Variants in TCTN1 observed in about 807,000 individuals in gnomAD.
TCTN1 encodes the protein tectonic family member 1.
Under a neutral mutation model 65.8 loss-of-function variants are expected in TCTN1, and 58 were observed. The observed-to-expected ratio is 0.88, with a 90% CI of 0.71 to 1.10. The LOEUF (loss-of-function observed/expected upper bound fraction) is 1.10. Ranked by LOEUF, TCTN1 falls within the 50% of genes least tolerant of loss-of-function variation. The pLI, the probability that TCTN1 is intolerant of heterozygous loss-of-function variation, is 0.00. For missense variants in TCTN1, 645 were observed against 719.4 expected (o/e 0.90, Z 1.18); for synonymous variants, 273 against 289.1 (o/e 0.94, Z 0.57).
chr12:110,615,567 A>G (rs1593196991), intron 1 of TCTN1, among the ~76,000 whole-genome samples: 1 of 152,266 alleles, frequency 6.6e-6, no homozygotes, highest in Middle Eastern at 3.4e-3. Flanking sequence ...TTAAGTCTCA[A>G]TCTGCTGGGC....
At chr12:110,631,021 C>T (rs1171605114) in intron 4 of TCTN1, among the ~76,000 whole-genome samples, 1 of 152,120 alleles carries the variant, frequency 6.6e-6, no homozygotes, top group Admixed American at 6.5e-5. Context: ...GGCTGGAGTG[C>T]AGTGGTGTGA....
intron 14 of TCTN1, chr12:110,648,781 CA>C (rs2067598192): frequency 3.3e-6 from 1 of 302,104 alleles, no homozygotes; most frequent in Admixed American, 5.3e-5. Flanking sequence ...TAGGAGGGTC[CA>C]GGGAAAAGAG....
intron 5 of TCTN1, chr12:110,634,247 C>T: frequency 3.1e-6 from 1 of 320,914 alleles, no homozygotes; most frequent in Non-Finnish European, 6.3e-6. Context: ...CAAGAAGCCT[C>T]ATGCCAGTTG....
At position 110,632,575 on chromosome 12, in the gene TCTN1, T is replaced by C. The variant is rs753676064; in HGVS notation, c.712+16T>C. ...AACCCTGCAGGTAAGAAAGTGGTCA[T>C]TCTTCTTTCCTTAGACATTTGCTGT... On this transcript the variant is annotated intron_variant, in intron 5 of 14. Coordinates refer to ENST00000397659, the MANE Select transcript of TCTN1 (RefSeq NM_001082538.3). The C allele has an allele frequency of 6.2e-7, 1 of 1,612,296 alleles. No homozygotes were observed. The highest frequency in any genetic ancestry group is 2.2e-5 in the East Asian group (1 of 44,858).
intron 12 of TCTN1, 33 bp downstream of exon 12, chr12:110,645,162 T>C (rs2136173470): frequency 1.9e-6 from 3 of 1,611,916 alleles, no homozygotes; most frequent in Non-Finnish European, 2.5e-6. Flanking sequence ...TCCATGCTAG[T>C]GGTCTCTGTC....
intron 2 of TCTN1, among the ~76,000 whole-genome samples, chr12:110,624,614 C>T (rs567032237): frequency 4.9e-5 from 7 of 143,216 alleles, no homozygotes; most frequent in Non-Finnish European, 6.1e-5. Flanking sequence ...GAGAGAGTCT[C>T]ACTCTGTCGC....
chr12:110,627,266 TTTTTA>T, intron 3 of TCTN1, among the ~76,000 whole-genome samples: 1 of 151,844 alleles, frequency 6.6e-6, no homozygotes, highest in African/African-American at 2.4e-5. Context: ...CCCAGCTAAT[TTTTTA>T]TTTTTAGTAG....
At chr12:110,631,214 G>A (rs1361814218) in intron 4 of TCTN1, among the ~76,000 whole-genome samples, 2 of 151,724 alleles carry the variant, frequency 1.3e-5, no homozygotes, top group African/African-American at 4.8e-5. Flanking sequence ...TTGTAGAGAC[G>A]GGGTTTCACC....
At chr12:110,645,157 G>T in intron 12 of TCTN1, 28 bp downstream of exon 12, 1 of 1,612,546 alleles carries the variant, frequency 6.2e-7, no homozygotes, top group South Asian at 1.1e-5. Flanking sequence ...CAGGTTCCAT[G>T]CTAGTGGTCT....
intron 2 of TCTN1, among the ~76,000 whole-genome samples, chr12:110,620,378 A>G (rs1287783362): frequency 6.6e-6 from 1 of 152,020 alleles, no homozygotes; most frequent in African/African-American, 2.4e-5. Context: ...ACTGCACTCT[A>G]GCCTGGGTGA....
At position 110,640,572 on chromosome 12, in the gene TCTN1, T is replaced by G; in HGVS notation, c.978+55T>G. 1 of 1,613,224 alleles carries G rather than the reference T, an allele frequency of 6.2e-7. No homozygotes were observed. ...GTCTGTGGCAGACTTAAGCCTCTTG[T>G]TGCGCCGGGGTAACTGGACGCCCTC... On this transcript the variant is annotated intron_variant, in intron 8 of 14. Transcript: ENST00000397659. The surrounding 1 kb of genome is among the most constrained non-coding windows in gnomAD (Gnocchi z 4.9).
Position 110,628,768 on chromosome 12 carries a change from T to G in TCTN1, c.474T>G (p.Tyr158Ter). Reference protein sequence around the residue: ...PSIFCIHITNYKPALSFINPE... With the variant: ...PSIFCIHITN ...AATACTGTTTTTTTTAAAAAACAGA[T>G]AAACCTGCATTATCCTTTATTAATC... The change falls in exon 4 of 15, where the codon TAT becomes TAG. Residue 158 changes from tyrosine to a stop codon, truncating the protein, a stop_gained and splice_region_variant. Coordinates refer to ENST00000397659, the MANE Select transcript of TCTN1 (RefSeq NM_001082538.3). LOFTEE classifies it high-confidence loss of function. 6.3e-7 allele frequency: 1 copy of G among 1,599,664 alleles called. No individual in the cohort carries two copies. Among genetic ancestry groups the G allele is most frequent in the South Asian group, 1.1e-5 (1 of 90,682 alleles).
In TCTN1 at chr12:110,647,315, A is replaced by G. The variant is rs1313382159; in HGVS notation, c.1614A>G (p.Leu538=). 6.2e-7 allele frequency: 1 copy of G among 1,614,236 alleles called. No individual in the cohort carries two copies. The highest frequency in any genetic ancestry group is 8.5e-7 in the Non-Finnish European group (1 of 1,180,040). The change falls in exon 13 of 15, where the codon CTA becomes CTG. Residue 538 remains leucine (L), a synonymous_variant. Coordinates refer to ENST00000397659, the MANE Select transcript of TCTN1 (RefSeq NM_001082538.3). ...QAKIVNVTAN[L]ISSSFPEANS... Reference sequence around the variant, plus strand: ...AAATAGTCAATGTAACTGCAAATCTAATTTCATCCTCCTTTCCTGAGGTAG... The same window carrying G: ...AAATAGTCAATGTAACTGCAAATCTGATTTCATCCTCCTTTCCTGAGGTAG...
chr12:110,630,533 TA>T (rs1444896572), intron 4 of TCTN1, among the ~76,000 whole-genome samples: 1 of 152,214 alleles, frequency 6.6e-6, no homozygotes, highest in Non-Finnish European at 1.5e-5. Flanking sequence ...AGCATCTTTT[TA>T]AAAGCAAAGT....
At chr12:110,648,489 GGC>G in intron 14 of TCTN1, among the ~76,000 whole-genome samples, 1 of 152,150 alleles carries the variant, frequency 6.6e-6, no homozygotes, top group African/African-American at 2.4e-5. Context: ...AGGGGGATTT[GGC>G]CAGTTCATTC....
chr12:110,630,957 C>CGTTGTT (rs547662704), intron 4 of TCTN1, among the ~76,000 whole-genome samples: 5 of 151,832 alleles, frequency 3.3e-5, no homozygotes, highest in African/African-American at 1.2e-4. Flanking sequence ...GATAGAGCTG[C>CGTTGTT]GTTGTTGTTG....
chr12:110,627,349 G>A (rs536237354), intron 3 of TCTN1, among the ~76,000 whole-genome samples: 56 of 152,052 alleles, frequency 3.7e-4, no homozygotes, highest in Admixed American at 3.1e-3. Flanking sequence ...CTCCTGCCTC[G>A]GCCTCTCAAA....
intron 3 of TCTN1, among the ~76,000 whole-genome samples, chr12:110,626,726 C>G (rs560164869): frequency 6.7e-6 from 1 of 150,344 alleles, no homozygotes; most frequent in Non-Finnish European, 1.5e-5. Flanking sequence ...ATTACAGGTG[C>G]CTGCCACCAT....
In TCTN1 at chr12:110,640,508, T is replaced by C; in HGVS notation, c.969T>C (p.Val323=). 6.2e-7 allele frequency: 1 copy of C among 1,614,204 alleles called. No individual in the cohort carries two copies. Among genetic ancestry groups the C allele is most frequent in the Non-Finnish European group, 8.5e-7 (1 of 1,180,040 alleles). Residue 323 remains valine, a synonymous_variant, in exon 8 of 15, where the codon GTT becomes GTC. Transcript: ENST00000397659. The surrounding 1 kb of genome is among the most constrained non-coding windows in gnomAD (Gnocchi z 4.9). ...GACACTTTAGCCTTTGCGTGAATGT[T>C]GTTCTTGAGGTAGGTGCCGAGTTTG... ...NAGHFSLCVN[V]VLEVKYSLTY... is the part of the protein sequence containing the mutation.
Sources: gnomAD v4.1 joint callset for allele counts (sites outside exome capture counted in the v4.1 genomes callset) on GRCh38, gnomAD v4.1.1 for gene constraint, Gnocchi (gnomAD v3.1) non-coding constraint, MANE v1.5 for transcripts, NCBI Gene and HGNC (gene_info 2026-07-23, HGNC 2026-07-21) for gene names.